Variants in IQGAP2 observed in about 807,000 individuals in gnomAD.
IQGAP2 encodes ras GTPase-activating-like protein IQGAP2.
Under a neutral mutation model 201.3 loss-of-function variants are expected in IQGAP2, and 173 were observed. The observed-to-expected ratio is 0.86, with a 90% confidence interval of 0.76 to 0.98. IQGAP2 has a LOEUF of 0.98. Among genes scored for constraint, IQGAP2 ranks in the 50% least tolerant of loss-of-function variants. IQGAP2 has a pLI of 0.00. For synonymous variants in IQGAP2, 675 were observed against 673.9 expected (o/e 1.00, Z -0.03); for missense variants, 1,687 against 1,864.8 (o/e 0.90, Z 1.76).
chr5:76,462,890 G>A (rs974714850), intron 2 of IQGAP2, among the ~76,000 whole-genome samples: 2 of 152,024 alleles, frequency 1.3e-5, no homozygotes, highest in African/African-American at 4.8e-5. Flanking sequence ...CAGTTAGGTT[G>A]CAGGATGCTA....
rs115295941 is a variant in IQGAP2 at position 76,661,814 on chromosome 5, G to A, written c.2529+3147G>A. On this transcript the variant is annotated intron_variant, in intron 21 of 35. Transcript: ENST00000274364. The stretch of plus-strand genomic sequence containing the variant: ...TATCTTTTATGACTCCAAAGCCCAA[G>A]CCCAAGCCCTTCATACTAGCCCACA... 7.9e-3 allele frequency among the ~76,000 whole-genome samples: 1,196 copies of A among 152,192 alleles called. 15 individuals are homozygous for A. Among genetic ancestry groups the A allele is most frequent in the African/African-American group, 0.027 (1,118 of 41,504 alleles).
chr5:76,458,634 G>T (rs13166671), intron 1 of IQGAP2, among the ~76,000 whole-genome samples: 2 of 152,126 alleles, frequency 1.3e-5, no homozygotes, highest in South Asian at 4.2e-4. Flanking sequence ...CAAGGAATGG[G>T]TATGTACAAG....
chr5:76,507,092 T>G (rs189184665), intron 2 of IQGAP2, among the ~76,000 whole-genome samples: 1 of 152,222 alleles, frequency 6.6e-6, no homozygotes, highest in African/African-American at 2.4e-5. Context: ...GTTGGAGAAC[T>G]GTTGCTATCT....
rs577467002 is a variant in IQGAP2, at chr5:76,532,294, G to T, written c.147-30102G>T. 2.0e-5 allele frequency among the ~76,000 whole-genome samples: 3 copies of T among 152,106 alleles called. No homozygotes were observed. In the South Asian group the frequency reaches 6.2e-4, roughly 31 times the overall value. On this transcript the variant is annotated intron_variant, in intron 2 of 35. Coordinates refer to ENST00000274364, the MANE Select transcript of IQGAP2 (RefSeq NM_006633.5). The stretch of plus-strand genomic sequence containing the variant: ...GGCTGAATTGCGAGCATTGCTTGAG[G>T]CTAGGAGTTTGAGTCCAGTCTGGGT...
At chr5:76,686,341 TTG>T (rs375718360) in intron 30 of IQGAP2, among the ~76,000 whole-genome samples, 24,185 of 144,612 alleles carry the variant, frequency 0.17, 2,384 homozygotes, top group African/African-American at 0.27. Flanking sequence ...TCTGTTTTTT[TTG>T]TTGTTGTTGT....
At chr5:76,686,428 G>C (rs1745758438) in intron 30 of IQGAP2, among the ~76,000 whole-genome samples, 1 of 151,642 alleles carries the variant, frequency 6.6e-6, no homozygotes, top group African/African-American at 2.4e-5. Flanking sequence ...AGCTTTTACA[G>C]TTAGGTCTAT....
chr5:76,634,163 ATTAAT>A (rs1750936760), intron 15 of IQGAP2, among the ~76,000 whole-genome samples: 1 of 152,122 alleles, frequency 6.6e-6, no homozygotes, highest in African/African-American at 2.4e-5. Flanking sequence ...CCAGCCACAC[ATTAAT>A]TTATATATGG....
intron 2 of IQGAP2, among the ~76,000 whole-genome samples, chr5:76,539,709 T>C (rs746964064): frequency 2.0e-5 from 3 of 152,128 alleles, no homozygotes; most frequent in Non-Finnish European, 4.4e-5. Context: ...AGACTGGTCC[T>C]CTGACCTCCT....
intron 12 of IQGAP2, among the ~76,000 whole-genome samples, chr5:76,610,572 A>T (rs551073353): frequency 1.7e-3 from 266 of 152,104 alleles, no homozygotes; most frequent in East Asian, 6.8e-3. Flanking sequence ...TCTCAAAAAA[A>T]AAAAATAAAA....
chr5:76,417,933 G>T (rs919459848), intron 1 of IQGAP2, among the ~76,000 whole-genome samples: 58 of 151,610 alleles, frequency 3.8e-4, no homozygotes, highest in Non-Finnish European at 3.4e-4. Context: ...TCCTGGCTGG[G>T]CGCGGTGGCT....
rs141942393 is a variant in IQGAP2 at position 76,451,267 on chromosome 5, C to T, written c.47-10303C>T. Among the ~76,000 whole-genome samples, 552 of 152,200 alleles carry T rather than the reference C, an allele frequency of 3.6e-3. 6 individuals carry two copies. Among genetic ancestry groups the T allele is most frequent in the African/African-American group, 0.012 (518 of 41,548 alleles). The stretch of plus-strand genomic sequence containing the variant: ...TTCCTTTTTCTTCCCCCATACCGTG[C>T]TCCTCTTCCTCTTGTTCCTTCTATT... On this transcript the variant is annotated intron_variant, in intron 1 of 35. Transcript: ENST00000274364.
chr5:76,439,883 A>G (rs971222725), intron 1 of IQGAP2, among the ~76,000 whole-genome samples: 2 of 152,164 alleles, frequency 1.3e-5, no homozygotes, highest in African/African-American at 2.4e-5. Context: ...TACTGTTCCA[A>G]TCATTGTGCT....
Position 76,658,661 on chromosome 5 carries a change from A to C in IQGAP2, c.2523A>C (p.Thr841=). 1 of 1,613,706 alleles carries C rather than the reference A, an allele frequency of 6.2e-7. No homozygotes were observed. Among genetic ancestry groups the C allele is most frequent in the South Asian group, 1.1e-5 (1 of 90,898 alleles). The change falls in exon 21 of 36, where the codon ACA becomes ACC. Residue 841 remains threonine, a synonymous_variant. Transcript: ENST00000274364. ...KIGLLVKNRI[T]LEDVISHSKK... is the part of the protein sequence containing the mutation. The stretch of plus-strand genomic sequence containing the variant: ...GACTGCTGGTGAAGAACAGGATCAC[A>C]CTAGAGGTCAGTGGGGTTTTTGGGA...
At chr5:76,521,820 G>A (rs1019674200) in intron 2 of IQGAP2, among the ~76,000 whole-genome samples, 2 of 152,170 alleles carry the variant, frequency 1.3e-5, no homozygotes, top group Admixed American at 1.3e-4. Flanking sequence ...TGGTTCTATA[G>A]ATCTGGGATA....
At chr5:76,551,850 G>GGGAGAC (rs1743560923) in intron 2 of IQGAP2, among the ~76,000 whole-genome samples, 1 of 148,528 alleles carries the variant, frequency 6.7e-6, no homozygotes, top group African/African-American at 2.5e-5. Context: ...CTTGCAAAGA[G>GGGAGAC]GGAGACGGGA....
At position 76,683,120 on chromosome 5, in the gene IQGAP2, G is replaced by A. The variant is rs1189113686; in HGVS notation, c.3666G>A (p.Leu1222=). ...GTGTTGCTTTCTACATAAAGCTCCT[G>A]TTGGAACACCAGGATGCAATTGCCC... ...IEEIISTHSL[L]LEHQDAIAPE... The change falls in exon 29 of 36, where the codon CTG becomes CTA. Residue 1222 remains leucine (L), a synonymous_variant. Transcript: ENST00000274364. 6.2e-7 allele frequency: 1 copy of A among 1,606,368 alleles called. No individual in the cohort carries two copies. Among genetic ancestry groups the A allele is most frequent in the Non-Finnish European group, 8.5e-7 (1 of 1,175,448 alleles).
chr5:76,513,791 A>C (rs1377349897), intron 2 of IQGAP2, among the ~76,000 whole-genome samples: 1 of 152,216 alleles, frequency 6.6e-6, no homozygotes, highest in Non-Finnish European at 1.5e-5. Context: ...TGGATTATAC[A>C]TTCATCAAAA....
At chr5:76,547,551 G>A in intron 2 of IQGAP2, 2 of 300,250 alleles carry the variant, frequency 6.7e-6, no homozygotes, top group Non-Finnish European at 4.9e-6. Context: ...TTATTTTGTG[G>A]TTAGAGCATG....
At chr5:76,650,391 T>G (rs1048630888) in intron 17 of IQGAP2, among the ~76,000 whole-genome samples, 2 of 152,258 alleles carry the variant, frequency 1.3e-5, no homozygotes, top group African/African-American at 4.8e-5. Context: ...CAGGTATGTA[T>G]ACCCTTTCTC....
Sources: gnomAD v4.1 joint callset for allele counts (sites outside exome capture counted in the v4.1 genomes callset) on GRCh38, gnomAD v4.1.1 for gene constraint, MANE v1.5 for transcripts, NCBI Gene and HGNC (gene_info 2026-07-23, HGNC 2026-07-21) for gene names.